The following SLC39A11 variants were observed in gnomAD, a reference collection of about 807,000 sequenced individuals.
The protein encoded by SLC39A11 is solute carrier family 39 member 11, also known as zinc transporter ZIP11.
A neutral mutation model predicts 36.1 loss-of-function variants in SLC39A11; 33 were observed. That is an observed-to-expected ratio of 0.91 (90% confidence interval 0.69 to 1.22). The LOEUF (loss-of-function observed/expected upper bound fraction) is 1.22, where lower values mean the gene tolerates loss of function less well. SLC39A11 is among the 50% of genes most tolerant of loss of function. The pLI is 0.00. For synonymous variants in SLC39A11, 166 were observed against 170.3 expected (o/e 0.97, Z 0.20); for missense variants, 432 against 430.3 (o/e 1.00, Z -0.03).
intron 4 of SLC39A11, among the ~76,000 whole-genome samples, chr17:73,013,656 T>C (rs1412348577): frequency 6.6e-6 from 1 of 150,418 alleles, no homozygotes; most frequent in African/African-American, 2.4e-5. Context: ...ACAATAAAAA[T>C]TCATAAACTT....
chr17:73,050,717 G>T (rs1195267199), intron 3 of SLC39A11, among the ~76,000 whole-genome samples: 1 of 152,034 alleles, frequency 6.6e-6, no homozygotes, highest in Non-Finnish European at 1.5e-5. Context: ...CGCCCATCTC[G>T]GCCTCCCAAA....
At chr17:72,834,285 T>C (rs1358333637) in intron 6 of SLC39A11, among the ~76,000 whole-genome samples, 1 of 152,204 alleles carries the variant, frequency 6.6e-6, no homozygotes, top group African/African-American at 2.4e-5. Flanking sequence ...TTTAGAGAAC[T>C]ACAGGTGGCC....
chr17:72,740,674 A>G (rs1421316267), intron 6 of SLC39A11, among the ~76,000 whole-genome samples: 1 of 152,220 alleles, frequency 6.6e-6, no homozygotes, highest in African/African-American at 2.4e-5. Context: ...AAACTACGTA[A>G]GAACTGAGAG....
chr17:73,008,105 A>AAAATAGAAAAAG (rs2090285667), intron 4 of SLC39A11, among the ~76,000 whole-genome samples: 1 of 139,624 alleles, frequency 7.2e-6, no homozygotes, highest in Admixed American at 7.6e-5. Flanking sequence ...TCAGTCTCAA[A>AAAATAGAAAAAG]AAAAAGAAAA....
intron 6 of SLC39A11, among the ~76,000 whole-genome samples, chr17:72,796,813 G>T (rs1306576612): frequency 6.6e-6 from 1 of 152,134 alleles, no homozygotes; most frequent in Non-Finnish European, 1.5e-5. Flanking sequence ...GGGTTTCACT[G>T]ACATGCTCGA....
At chr17:73,013,087 C>A (rs1394601262) in intron 4 of SLC39A11, among the ~76,000 whole-genome samples, 1 of 151,958 alleles carries the variant, frequency 6.6e-6, no homozygotes, top group Non-Finnish European at 1.5e-5. Flanking sequence ...GCGTGAACCA[C>A]TGTGCCTGGC....
intron 6 of SLC39A11, among the ~76,000 whole-genome samples, chr17:72,823,064 T>C (rs1297183660): frequency 6.6e-6 from 1 of 150,952 alleles, no homozygotes; most frequent in Non-Finnish European, 1.5e-5. Flanking sequence ...GAAACACATA[T>C]AAAGGAAAAG....
intron 5 of SLC39A11, among the ~76,000 whole-genome samples, chr17:72,912,433 C>CTT (rs527360752): frequency 8.4e-5 from 12 of 142,486 alleles, no homozygotes; most frequent in African/African-American, 2.8e-4. Flanking sequence ...AGGACAATAT[C>CTT]TTTTTTTTTT....
intron 5 of SLC39A11, among the ~76,000 whole-genome samples, chr17:72,921,125 C>T (rs2083645840): frequency 6.6e-6 from 1 of 152,138 alleles, no homozygotes; most frequent in Non-Finnish European, 1.5e-5. Flanking sequence ...CCAGGAAACA[C>T]TTAAGAATTT....
At chr17:72,700,210 T>A (rs555381274) in intron 7 of SLC39A11, among the ~76,000 whole-genome samples, 1 of 152,356 alleles carries the variant, frequency 6.6e-6, no homozygotes, top group African/African-American at 2.4e-5. Flanking sequence ...CATCCTGTGC[T>A]TGTTCTACTG....
intron 4 of SLC39A11, among the ~76,000 whole-genome samples, chr17:72,951,946 C>T (rs530060929): frequency 1.1e-4 from 17 of 152,128 alleles, no homozygotes; most frequent in South Asian, 4.2e-4. Flanking sequence ...TGCTTTATTT[C>T]GGCGTTTTCG....
intron 5 of SLC39A11, among the ~76,000 whole-genome samples, chr17:72,895,773 G>T (rs2081998020): frequency 6.6e-6 from 1 of 152,106 alleles, no homozygotes; most frequent in Admixed American, 6.5e-5. Flanking sequence ...TTCAAGGAAA[G>T]AAAATTCCAT....
chr17:73,005,253 C>T (rs1289883521), intron 4 of SLC39A11, among the ~76,000 whole-genome samples: 4 of 152,326 alleles, frequency 2.6e-5, no homozygotes, highest in East Asian at 3.9e-4. Flanking sequence ...GCTAGGATTA[C>T]AGGCGTGAGC....
chr17:72,990,414 A>AT (rs905569371), intron 4 of SLC39A11, among the ~76,000 whole-genome samples: 1 of 151,934 alleles, frequency 6.6e-6, no homozygotes, highest in African/African-American at 2.4e-5. Flanking sequence ...TCCTATCAGG[A>AT]TTTTTTTTCT....
intron 6 of SLC39A11, among the ~76,000 whole-genome samples, chr17:72,765,766 T>G (rs560504539): frequency 2.6e-5 from 4 of 152,312 alleles, no homozygotes; most frequent in Non-Finnish European, 5.9e-5. Context: ...TTTTGTCAGT[T>G]TCATCTTTGT....
chr17:72,768,348 G>C (rs1694941375), intron 6 of SLC39A11, among the ~76,000 whole-genome samples: 1 of 152,184 alleles, frequency 6.6e-6, no homozygotes, highest in Non-Finnish European at 1.5e-5. Flanking sequence ...CAGCCCAAAA[G>C]CCCAGGAGTA....
At chr17:72,783,628 T>C (rs1383305543) in intron 6 of SLC39A11, among the ~76,000 whole-genome samples, 2 of 152,080 alleles carry the variant, frequency 1.3e-5, no homozygotes, top group Non-Finnish European at 2.9e-5. Flanking sequence ...GTTATCAGCG[T>C]ATGGATGGTG....
chr17:73,080,779 T>C (rs1166721825), intron 3 of SLC39A11, among the ~76,000 whole-genome samples: 1 of 151,820 alleles, frequency 6.6e-6, no homozygotes, highest in African/African-American at 2.4e-5. Context: ...ACTCCGTCTC[T>C]ACTGAAAATA....
intron 3 of SLC39A11, among the ~76,000 whole-genome samples, chr17:73,070,077 C>T (rs1383231651): frequency 6.6e-6 from 1 of 152,098 alleles, no homozygotes; most frequent in Non-Finnish European, 1.5e-5. Flanking sequence ...AGTATGTGAT[C>T]CAACAGGCAC....
Sources: allele counts gnomAD v4.1 joint callset (sites outside exome capture counted in the v4.1 genomes callset), GRCh38; gene constraint gnomAD v4.1.1; transcripts MANE v1.5; gene names NCBI Gene and HGNC (gene_info 2026-07-23, HGNC 2026-07-21).